Variants in HTR2A observed in about 807,000 individuals in gnomAD.
HTR2A encodes the protein 5-HT2 receptor.
Under a neutral mutation model 31.0 loss-of-function variants are expected in HTR2A, and 14 were observed. The ratio of observed to expected loss-of-function variants is 0.45; its 90% CI spans 0.30 to 0.71. The LOEUF is 0.71. Among genes scored for constraint, HTR2A ranks in the 30% least tolerant of loss-of-function variants. HTR2A has a pLI of 0.09. For missense variants in HTR2A, 442 were observed against 573.3 expected, an observed-to-expected ratio of 0.77 and a Z score of 2.34; for synonymous variants, 209 against 225.2, an observed-to-expected ratio of 0.93 and a Z score of 0.64.
intron 3 of HTR2A, among the ~76,000 whole-genome samples, chr13:46,873,406 A>ATTT (rs371524051): frequency 5.1e-4 from 5 of 9,830 alleles, no homozygotes; most frequent in Admixed American, 1.5e-3. Flanking sequence ...TATCCAAAAC[A>ATTT]TTCCCAACTG....
chr13:46,876,611 T>C (rs1255953793), intron 3 of HTR2A, among the ~76,000 whole-genome samples: 1 of 151,766 alleles, frequency 6.6e-6, no homozygotes, highest in African/African-American at 2.4e-5. Flanking sequence ...AGAGACTGGG[T>C]TTCACTGTGT....
chr13:46,834,328 A>G lies in HTR2A; in HGVS notation c.*509T>C, dbSNP rs1344543433. 6.5e-6 allele frequency: 1 copy of G among 152,920 alleles called. No individual in the cohort carries two copies. Among genetic ancestry groups the G allele is most frequent in the Non-Finnish European group, 1.5e-5 (1 of 68,258 alleles). 9.5% of individuals were successfully genotyped at this position (152,920 alleles called of 1,614,324 possible). On this transcript the variant is annotated 3_prime_UTR_variant, in exon 4 of 4. Coordinates refer to ENST00000542664, the MANE Select transcript of HTR2A (RefSeq NM_000621.5). ...ATTATCTTAGCAATACAGATTTTATAACACTGACCTTAGTGGCTTTTTTTT... is the reference window on the plus strand; with the variant it reads ...ATTATCTTAGCAATACAGATTTTATGACACTGACCTTAGTGGCTTTTTTTT...
chr13:46,891,193 G>A (rs928775387), intron 3 of HTR2A, among the ~76,000 whole-genome samples: 4 of 152,098 alleles, frequency 2.6e-5, no homozygotes, highest in African/African-American at 9.7e-5. Context: ...TATCTCAAAC[G>A]GTAATGGGAA....
At chr13:46,847,181 A>G (rs1383214236) in intron 3 of HTR2A, among the ~76,000 whole-genome samples, 2 of 152,234 alleles carry the variant, frequency 1.3e-5, no homozygotes, top group African/African-American at 2.4e-5. Flanking sequence ...CACTTGACCT[A>G]CGGCATGATT....
intron 3 of HTR2A, among the ~76,000 whole-genome samples, chr13:46,885,243 G>A (rs558685773): frequency 8.5e-5 from 13 of 152,294 alleles, no homozygotes; most frequent in African/African-American, 3.1e-4. Context: ...CTCACAGGTG[G>A]ATAGCATCTG....
chr13:46,835,717 G>T, intron 3 of HTR2A, 78 bp from the exon 4 acceptor site: 1 of 1,075,508 alleles, frequency 9.3e-7, no homozygotes, highest in Non-Finnish European at 1.3e-6. Context: ...ACATAATATT[G>T]GCTATTGAAA....
rs140322138 is a variant in HTR2A at position 46,866,622 on chromosome 13, C to G, written c.613+25768G>C. Reference sequence around the variant, plus strand: ...ATTGAGTTAGGTACTGTGTTAGGAACTGGGGAGTCATCAGTGAACTAGACT... The same window carrying G: ...ATTGAGTTAGGTACTGTGTTAGGAAGTGGGGAGTCATCAGTGAACTAGACT... On this transcript the variant is annotated intron_variant, in intron 3 of 3. Transcript: ENST00000542664. Among the ~76,000 whole-genome samples the G allele has an allele frequency of 3.1e-3, 478 of 152,310 alleles. 3 individuals are homozygous for G. The highest frequency in any genetic ancestry group is 0.011 in the African/African-American group (453 of 41,568).
chr13:46,835,211 T>C lies in HTR2A; in HGVS notation c.1042A>G (p.Ile348Val), dbSNP rs767921386. The change falls in exon 4 of 4, where the codon ATC becomes GTC. Residue 348 changes from isoleucine to valine, a missense_variant. Ile to Val is a conservative substitution (Grantham distance 29, BLOSUM62 3). Around this residue, in one of 5 missense-constraint regions of HTR2A, gnomAD observed 174 missense variants for 195.1 expected, o/e 0.89. Transcript: ENST00000542664. Reference protein sequence around the residue: ...PFFITNIMAVICKESCNEDVI... With the variant: ...PFFITNIMAVVCKESCNEDVI... ...TCCTCATTGCAGGACTCTTTGCAGA[T>C]GACGGCCATGATGTTTGTGATGAAG... 8 of 1,613,998 alleles carry C rather than the reference T, an allele frequency of 5.0e-6. No homozygotes were observed. In the East Asian group the frequency reaches 1.6e-4, roughly 31 times the overall value.
intron 3 of HTR2A, among the ~76,000 whole-genome samples, chr13:46,878,769 T>C (rs975872650): frequency 1.3e-5 from 2 of 152,200 alleles, no homozygotes; most frequent in African/African-American, 4.8e-5. Flanking sequence ...AGTATGTGCA[T>C]ATATGTGTAT....
At position 46,844,598 on chromosome 13, in the gene HTR2A, A is replaced by G. The variant is rs537496837; in HGVS notation, c.614-8959T>C. Among the ~76,000 whole-genome samples the G allele has an allele frequency of 2.0e-5, 3 of 152,326 alleles. No homozygotes were observed. The South Asian group carries it at 6.2e-4, about 32-fold the overall frequency. On this transcript the variant is annotated intron_variant, in intron 3 of 3. Transcript: ENST00000542664. ...AGTGAGAATCAGGAGACTTGCGTTT[A>G]TTCCTGTCTGTTCTGACTCATATCC...
intron 3 of HTR2A, among the ~76,000 whole-genome samples, chr13:46,847,951 C>T (rs1442790245): frequency 6.6e-6 from 1 of 152,166 alleles, no homozygotes; most frequent in Non-Finnish European, 1.5e-5. Flanking sequence ...GTCTTACCCA[C>T]TGTTTCCTAG....
intron 2 of HTR2A, among the ~76,000 whole-genome samples, chr13:46,893,041 C>T (rs1278629926): frequency 6.6e-6 from 1 of 152,134 alleles, no homozygotes; most frequent in African/African-American, 2.4e-5. Context: ...TTATTATAAC[C>T]ATCCAGTCCC....
At chr13:46,883,137 A>G (rs764067737) in intron 3 of HTR2A, among the ~76,000 whole-genome samples, 2 of 152,222 alleles carry the variant, frequency 1.3e-5, no homozygotes, top group Non-Finnish European at 2.9e-5. Flanking sequence ...ACCCCCATAT[A>G]CTAAATCAAC....
intron 3 of HTR2A, among the ~76,000 whole-genome samples, chr13:46,865,236 A>G (rs4941570): frequency 0.32 from 47,941 of 152,100 alleles, 9,561 homozygotes; most frequent in East Asian, 0.65. Context: ...TAATTTTATG[A>G]TATCTCAAAT....
intron 2 of HTR2A, among the ~76,000 whole-genome samples, chr13:46,893,822 T>C (rs1951075543): frequency 6.6e-6 from 1 of 152,154 alleles, no homozygotes; most frequent in African/African-American, 2.4e-5. Context: ...AAAGTCCACT[T>C]TTCTTATTAC....
At chr13:46,855,648 G>C (rs1317570116) in intron 3 of HTR2A, among the ~76,000 whole-genome samples, 2 of 152,108 alleles carry the variant, frequency 1.3e-5, no homozygotes, top group Admixed American at 1.3e-4. Flanking sequence ...AAAGGCCTAA[G>C]GTGGGATGGC....
intron 3 of HTR2A, among the ~76,000 whole-genome samples, chr13:46,836,456 C>A (rs1316972999): frequency 6.6e-6 from 1 of 152,128 alleles, no homozygotes; most frequent in Non-Finnish European, 1.5e-5. Flanking sequence ...TGTTTTAGAT[C>A]TTCCTATTCC....
intron 3 of HTR2A, among the ~76,000 whole-genome samples, chr13:46,840,385 A>G (rs934498538): frequency 4.6e-5 from 7 of 152,200 alleles, no homozygotes; most frequent in Admixed American, 2.6e-4. Flanking sequence ...TCAGTTACCC[A>G]AAAGCTGTAT....
intron 3 of HTR2A, among the ~76,000 whole-genome samples, chr13:46,869,757 A>G (rs986611814): frequency 1.3e-5 from 2 of 152,176 alleles, no homozygotes; most frequent in African/African-American, 4.8e-5. Context: ...GATATGTACT[A>G]TACTACAGAC....
Sources: allele counts gnomAD v4.1 joint callset (sites outside exome capture counted in the v4.1 genomes callset), GRCh38; gene constraint gnomAD v4.1.1; regional missense constraint gnomAD v4.1.1; transcripts MANE v1.5; gene names NCBI Gene and HGNC (gene_info 2026-07-23, HGNC 2026-07-21).